The following PTPRZ1 variants were observed in gnomAD, a reference collection of about 807,000 sequenced individuals.
The protein encoded by PTPRZ1 is protein tyrosine phosphatase receptor type Z1, also known as receptor-type tyrosine-protein phosphatase zeta.
Under a neutral mutation model 214.1 loss-of-function variants are expected in PTPRZ1, and 82 were observed. That is an observed-to-expected ratio of 0.38 (90% CI 0.32 to 0.46). The LOEUF is 0.46. Among genes scored for constraint, PTPRZ1 ranks in the 20% least tolerant of loss-of-function variants. PTPRZ1 has a pLI of 1.00. For missense variants in PTPRZ1, 2,603 were observed against 2,748.7 expected, an observed-to-expected ratio of 0.95 and a Z score of 1.19; for synonymous variants, 945 against 987.9, an observed-to-expected ratio of 0.96 and a Z score of 0.81.
At chr7:121,950,528 C>T (rs1417147307) in intron 2 of PTPRZ1, among the ~76,000 whole-genome samples, 3 of 152,224 alleles carry the variant, frequency 2.0e-5, no homozygotes, top group Admixed American at 2.0e-4. Flanking sequence ...GCCATGTCTT[C>T]TCTAGTTATC....
At chr7:121,910,597 A>T (rs1272087409) in intron 1 of PTPRZ1, among the ~76,000 whole-genome samples, 1 of 152,140 alleles carries the variant, frequency 6.6e-6, no homozygotes, top group Non-Finnish European at 1.5e-5. Context: ...ATCAGTATAT[A>T]TTAGTTGAAG....
At chr7:121,876,637 C>T (rs973980040) in intron 1 of PTPRZ1, among the ~76,000 whole-genome samples, 3 of 152,134 alleles carry the variant, frequency 2.0e-5, no homozygotes, top group Non-Finnish European at 1.5e-5. Context: ...ATATTCATGC[C>T]TTTTTCCCAA....
chr7:122,001,113 T>C (rs1289001181), intron 10 of PTPRZ1, among the ~76,000 whole-genome samples: 8 of 152,184 alleles, frequency 5.3e-5, no homozygotes, highest in Admixed American at 3.3e-4. Flanking sequence ...TTTGTACCTT[T>C]TAATTACACT....
chr7:121,973,659 C>T (rs139602860), intron 4 of PTPRZ1, among the ~76,000 whole-genome samples: 2 of 152,216 alleles, frequency 1.3e-5, no homozygotes, highest in East Asian at 1.9e-4. Context: ...AGGAGCCAGG[C>T]GCGGTGGCTC....
At chr7:121,925,598 T>G (rs377465740) in intron 1 of PTPRZ1, among the ~76,000 whole-genome samples, 10 of 152,070 alleles carry the variant, frequency 6.6e-5, no homozygotes, top group African/African-American at 2.2e-4. Context: ...TGGATCCGAG[T>G]CTGAACTCAA....
intron 1 of PTPRZ1, among the ~76,000 whole-genome samples, chr7:121,925,115 T>C (rs1795716867): frequency 6.6e-6 from 1 of 152,204 alleles, no homozygotes; most frequent in East Asian, 1.9e-4. Context: ...ATGGTTTCCA[T>C]TTTTTATCAC....
At chr7:122,049,023 G>A (rs977627794) in intron 23 of PTPRZ1, among the ~76,000 whole-genome samples, 19 of 151,994 alleles carry the variant, frequency 1.3e-4, no homozygotes, top group Admixed American at 2.6e-4. Context: ...AGTTTATAGG[G>A]TTTATTCCAA....
chr7:122,022,195 A>G (rs1310112340), intron 13 of PTPRZ1, among the ~76,000 whole-genome samples: 6 of 152,248 alleles, frequency 3.9e-5, no homozygotes, highest in Admixed American at 3.3e-4. Flanking sequence ...TAATATTGAA[A>G]TATCATAAAA....
At chr7:121,892,198 A>T (rs1794651432) in intron 1 of PTPRZ1, among the ~76,000 whole-genome samples, 1 of 152,156 alleles carries the variant, frequency 6.6e-6, no homozygotes. Context: ...TCTGTGTAAG[A>T]CATATATGTT....
At chr7:122,049,682 A>G (rs1792109252) in intron 23 of PTPRZ1, among the ~76,000 whole-genome samples, 1 of 152,168 alleles carries the variant, frequency 6.6e-6, no homozygotes, top group Admixed American at 6.5e-5. Context: ...ATGTTGATAC[A>G]TGGAAATATT....
intron 2 of PTPRZ1, among the ~76,000 whole-genome samples, chr7:121,944,175 A>C (rs1188911710): frequency 1.3e-5 from 2 of 152,136 alleles, no homozygotes; most frequent in Non-Finnish European, 2.9e-5. Context: ...GGATCCAGCA[A>C]ATCCTTCATT....
At chr7:121,877,655 A>C (rs1054668686) in intron 1 of PTPRZ1, among the ~76,000 whole-genome samples, 1 of 152,226 alleles carries the variant, frequency 6.6e-6, no homozygotes, top group Non-Finnish European at 1.5e-5. Flanking sequence ...GCTATGCATC[A>C]ACATACAGAG....
chr7:122,003,959 T>A (rs1798401297), intron 10 of PTPRZ1, among the ~76,000 whole-genome samples: 1 of 152,172 alleles, frequency 6.6e-6, no homozygotes, highest in African/African-American at 2.4e-5. Context: ...GTAGACAGCA[T>A]TAGCTGAGTT....
chr7:122,044,335 G>C lies in PTPRZ1; in HGVS notation c.5938-87G>C, dbSNP rs1799817259. ...TCCCCCATTCTGTAAAACTCTCCTT[G>C]TCTGTCAATGGAAGGTACTATGTTT... is the stretch of plus-strand genomic sequence containing the variant. On this transcript the variant is annotated intron_variant, in intron 22 of 29. Transcript: ENST00000393386. The C allele has an allele frequency of 3.9e-5, 58 of 1,484,246 alleles. 2 individuals are homozygous for C. The South Asian group carries it at 6.9e-4, about 18-fold the overall frequency. The allele number at this position is 1,484,246 out of a possible 1,614,324, so 91.9% of individuals were successfully genotyped here. A position where few individuals can be genotyped will look rare whatever the true frequency, so the allele number is the denominator to read the frequency against.
chr7:121,941,742 G>A (rs1267724781), intron 2 of PTPRZ1, among the ~76,000 whole-genome samples: 2 of 152,060 alleles, frequency 1.3e-5, no homozygotes, highest in African/African-American at 4.8e-5. Context: ...GTATCTGAGG[G>A]GCCTGTGTCT....
rs759119507 is a variant in PTPRZ1, at chr7:122,031,457, T to C, written c.5081-17T>C. The C allele has an allele frequency of 6.3e-7, 1 of 1,593,076 alleles. No homozygotes were observed. The highest frequency in any genetic ancestry group is 1.1e-5 in the South Asian group (1 of 89,638). ...TGTTAAATTATGCTCTCTAACACAATTTTTTTATTCACGTAGATGATGTCG... is the reference window on the plus strand; with the variant it reads ...TGTTAAATTATGCTCTCTAACACAACTTTTTTATTCACGTAGATGATGTCG... On this transcript the variant is annotated splice_polypyrimidine_tract_variant and intron_variant, in intron 14 of 29. Transcript: ENST00000393386.
At chr7:121,924,282 A>G (rs1303557384) in intron 1 of PTPRZ1, among the ~76,000 whole-genome samples, 3 of 152,204 alleles carry the variant, frequency 2.0e-5, no homozygotes, top group Admixed American at 6.5e-5. Flanking sequence ...TCTTTTTTAT[A>G]TAGGATTTCC....
Position 121,996,443 on chromosome 7 carries a change from T to TA in PTPRZ1, c.991dup (p.Thr331AsnfsTer10). 6.2e-7 allele frequency: 1 copy of TA among 1,613,528 alleles called. No homozygotes were observed. Among genetic ancestry groups the TA allele is most frequent in the Non-Finnish European group, 8.5e-7 (1 of 1,179,630 alleles). Reference sequence around the variant, plus strand: ...CAGAGAATTATACCAGCCTTCTTGTTACATGGGAAAGACCTCGAGTCGTTT... The same window carrying TA: ...CAGAGAATTATACCAGCCTTCTTGTTAACATGGGAAAGACCTCGAGTCGTTT... On this transcript the variant is annotated frameshift_variant, in exon 9 of 30. Transcript: ENST00000393386. LOFTEE classifies it high-confidence loss of function.
rs746255679 is a variant in PTPRZ1 at position 122,040,964 on chromosome 7, T to C, written c.5786T>C (p.Val1929Ala). ...GCCAAGCGCCATGCAGTGGGGCCTG[T>C]TGTCGTCCACTGCAGGTGAGTCTCA... ...AYAKRHAVGP[V>A]VVHCSAGVGR... The change falls in exon 21 of 30, where the codon GTT (valine) becomes GCT (alanine). Residue 1929 changes from valine to alanine, a missense_variant. By Grantham distance (64) the Val-to-Ala change is moderately conservative (BLOSUM62 0). Transcript: ENST00000393386. 3 of 1,564,556 alleles carry C rather than the reference T, an allele frequency of 1.9e-6. No homozygotes were observed. The highest frequency in any genetic ancestry group is 2.6e-6 in the Non-Finnish European group (3 of 1,146,410).
Sources: allele counts gnomAD v4.1 joint callset (sites outside exome capture counted in the v4.1 genomes callset), GRCh38; gene constraint gnomAD v4.1.1; transcripts MANE v1.5; gene names NCBI Gene and HGNC (gene_info 2026-07-23, HGNC 2026-07-21).